Variants in TSPEAR observed in about 807,000 individuals in gnomAD.
TSPEAR encodes the protein thrombospondin type laminin G domain and EAR repeats, also known as thrombospondin-type laminin G domain and EAR repeat-containing protein.
A neutral mutation model predicts 71.6 loss-of-function variants in TSPEAR; 69 were observed. That is an observed-to-expected ratio of 0.96 (90% CI 0.79 to 1.18). The LOEUF is 1.18. TSPEAR is among the 50% of genes most tolerant of loss of function. The probability of loss-of-function intolerance (pLI) is 0.00; values close to 1 mark genes in which losing one functional copy is unlikely to be tolerated. For missense variants in TSPEAR, 971 were observed against 894.9 expected (o/e 1.09, Z -1.09); for synonymous variants, 402 against 387.2 (o/e 1.04, Z -0.45).
chr21:44,644,063 G>T (rs934481220), intron 1 of TSPEAR, among the ~76,000 whole-genome samples: 2 of 152,180 alleles, frequency 1.3e-5, no homozygotes, highest in African/African-American at 4.8e-5. Context: ...TCCCCTCCCG[G>T]CACCTCCCTC....
At position 44,550,849 on chromosome 21, in the gene TSPEAR, C is replaced by T. The variant is rs782622930; in HGVS notation, c.304-16926G>A. 2.6e-6 allele frequency: 4 copies of T among 1,530,492 alleles called. No homozygotes were observed. The African/African-American group carries it at 5.6e-5, about 22-fold the overall frequency. 94.8% of individuals were successfully genotyped at this position (1,530,492 alleles called of 1,614,324 possible). ...TGCTGGCAGCACGGAGAGGAAGCCCCAGAGCAAACAGGTACACAGCAGATG... is the reference window on the plus strand; with the variant it reads ...TGCTGGCAGCACGGAGAGGAAGCCCTAGAGCAAACAGGTACACAGCAGATG... On this transcript the variant is annotated intron_variant, in intron 2 of 11. Transcript: ENST00000323084.
At chr21:44,548,635 T>G (rs1295735553) in intron 2 of TSPEAR, among the ~76,000 whole-genome samples, 1 of 152,178 alleles carries the variant, frequency 6.6e-6, no homozygotes, top group African/African-American at 2.4e-5. Context: ...GAAATACAAC[T>G]GCAGAGCCAG....
chr21:44,511,123 A>C (rs1454098091), intron 9 of TSPEAR: 1 of 152,216 alleles, frequency 6.6e-6, no homozygotes, highest in Admixed American at 6.5e-5. Flanking sequence ...TCAGCAGAAG[A>C]GAAACAGGAA....
At chr21:44,673,687 A>T (rs1291554454) in intron 1 of TSPEAR, among the ~76,000 whole-genome samples, 1 of 152,242 alleles carries the variant, frequency 6.6e-6, no homozygotes, top group African/African-American at 2.4e-5. Context: ...ATGGAACATT[A>T]TTCAGGACAG....
At chr21:44,650,980 C>T (rs993049833) in intron 1 of TSPEAR, among the ~76,000 whole-genome samples, 1 of 152,182 alleles carries the variant, frequency 6.6e-6, no homozygotes, top group South Asian at 2.1e-4. Flanking sequence ...GATGGTCCCC[C>T]AGGTCCAGGT....
rs587706405 is a variant in TSPEAR, at chr21:44,565,900, C to T, written c.303+1885G>A. On this transcript the variant is annotated intron_variant, in intron 2 of 11. Coordinates refer to ENST00000323084, the MANE Select transcript of TSPEAR (RefSeq NM_144991.3). Reference sequence around the variant, plus strand: ...AGCTCAGCAAGGTTGCAGGATACAACGTCAACACACAGAAATCAATGGTAT... The same window carrying T: ...AGCTCAGCAAGGTTGCAGGATACAATGTCAACACACAGAAATCAATGGTAT... 1.5e-3 allele frequency among the ~76,000 whole-genome samples: 223 copies of T among 152,334 alleles called. 1 individual carries two copies. Among genetic ancestry groups the T allele is most frequent in the African/African-American group, 5.2e-3 (215 of 41,580 alleles).
chr21:44,654,864 A>T (rs1323993309), intron 1 of TSPEAR, among the ~76,000 whole-genome samples: 1 of 152,134 alleles, frequency 6.6e-6, no homozygotes, highest in Non-Finnish European at 1.5e-5. Flanking sequence ...TTTCCTGGAA[A>T]CAGAGCAGGG....
At chr21:44,517,626 G>A (rs2052620223) in intron 9 of TSPEAR, 2 of 389,002 alleles carry the variant, frequency 5.1e-6, no homozygotes, top group Admixed American at 2.9e-5. Context: ...CACCGTGTGT[G>A]CTCCTTGTCT....
At chr21:44,549,832 G>A (rs1233250371) in intron 2 of TSPEAR, among the ~76,000 whole-genome samples, 2 of 152,228 alleles carry the variant, frequency 1.3e-5, no homozygotes, top group African/African-American at 4.8e-5. Flanking sequence ...AGCACACGGA[G>A]CTCTGGAGGC....
At chr21:44,697,702 T>C in intron 1 of TSPEAR, 1 of 1,612,962 alleles carries the variant, frequency 6.2e-7, no homozygotes, top group Non-Finnish European at 8.5e-7. Flanking sequence ...CTGTCTGCTC[T>C]GGGGCCTCCT....
intron 1 of TSPEAR, among the ~76,000 whole-genome samples, chr21:44,698,794 C>T (rs1262388692): frequency 2.0e-5 from 3 of 152,260 alleles, no homozygotes; most frequent in African/African-American, 7.2e-5. Flanking sequence ...TCTACTGCCC[C>T]TACAACTCCC....
intron 1 of TSPEAR, chr21:44,677,888 T>C (rs182194732): frequency 7.2e-7 from 1 of 1,393,180 alleles, no homozygotes; most frequent in East Asian, 2.3e-5. Flanking sequence ...GGGAAGCCCA[T>C]TTGGCATATA....
At chr21:44,512,579 C>T (rs1450178994) in intron 9 of TSPEAR, among the ~76,000 whole-genome samples, 1 of 152,160 alleles carries the variant, frequency 6.6e-6, no homozygotes, top group Non-Finnish European at 1.5e-5. Context: ...GCTCTGGCCA[C>T]AGCCCTGAGG....
intron 1 of TSPEAR, chr21:44,591,555 A>G (rs782373745): frequency 8.7e-6 from 14 of 1,612,166 alleles, no homozygotes; most frequent in Middle Eastern, 1.6e-4. Flanking sequence ...ACTTGCACAC[A>G]GGGTGGCAGA....
At chr21:44,674,017 G>A (rs1986182300) in intron 1 of TSPEAR, among the ~76,000 whole-genome samples, 2 of 152,030 alleles carry the variant, frequency 1.3e-5, no homozygotes. Flanking sequence ...AGGTAGATGT[G>A]GTGGTGCCTA....
At chr21:44,688,058 T>G (rs912065382) in intron 1 of TSPEAR, among the ~76,000 whole-genome samples, 2 of 152,134 alleles carry the variant, frequency 1.3e-5, no homozygotes, top group Non-Finnish European at 2.9e-5. Context: ...TATGTTTCCG[T>G]TTTTCATAAC....
At chr21:44,615,296 C>T (rs979354167) in intron 1 of TSPEAR, among the ~76,000 whole-genome samples, 5 of 152,264 alleles carry the variant, frequency 3.3e-5, no homozygotes, top group Non-Finnish European at 7.3e-5. Context: ...TCACCCGACC[C>T]GCACACACGC....
At position 44,711,409 on chromosome 21, in the gene TSPEAR, C is replaced by T. The variant is rs781908057; in HGVS notation, c.82+24G>A. 25 of 1,571,452 alleles carry T rather than the reference C, an allele frequency of 1.6e-5. No individual in the cohort carries two copies. In the South Asian group the frequency reaches 2.3e-4, roughly 15 times the overall value. On this transcript the variant is annotated intron_variant, in intron 1 of 11. Coordinates refer to ENST00000323084, the MANE Select transcript of TSPEAR (RefSeq NM_144991.3). This position sits in a 1 kb window ranked among gnomAD's most constrained non-coding sequence, Gnocchi z 4.5. ...AGCTCCCCGGCAAGATACCCCCGCC[C>T]GAGTTCCCATGCCCCTGCCTTACCT...
intron 1 of TSPEAR, among the ~76,000 whole-genome samples, chr21:44,641,044 G>GC (rs1983994017): frequency 6.6e-6 from 1 of 152,230 alleles, no homozygotes; most frequent in African/African-American, 2.4e-5. Flanking sequence ...GATGAACAAG[G>GC]CCCCCCTCAT....
Sources: gnomAD v4.1 joint callset for allele counts (sites outside exome capture counted in the v4.1 genomes callset) on GRCh38, gnomAD v4.1.1 for gene constraint, Gnocchi (gnomAD v3.1) non-coding constraint, MANE v1.5 for transcripts, NCBI Gene and HGNC (gene_info 2026-07-23, HGNC 2026-07-21) for gene names.